FRMD4A: variants seen among roughly 807,000 people sequenced by gnomAD.
The protein encoded by FRMD4A is FERM domain-containing protein 4A.
FRMD4A carries 29 observed loss-of-function variants against 129.1 expected under a neutral mutation model. That is an observed-to-expected ratio of 0.22 (90% CI 0.17 to 0.31). FRMD4A has a LOEUF of 0.31. FRMD4A is among the 10% of genes least tolerant of loss of function. The pLI is 1.00. For synonymous variants in FRMD4A, 634 were observed against 571.6 expected (o/e 1.11, Z -1.56); for missense variants, 1,272 against 1,375.8 (o/e 0.92, Z 1.19).
At chr10:13,710,226 CCT>C (rs1353575636) in intron 12 of FRMD4A, among the ~76,000 whole-genome samples, 2 of 152,150 alleles carry the variant, frequency 1.3e-5, no homozygotes, top group Non-Finnish European at 2.9e-5. Flanking sequence ...TGAGAAAACC[CCT>C]GTGCCTTTCA....
At chr10:13,860,579 T>C (rs1420249678) in intron 2 of FRMD4A, among the ~76,000 whole-genome samples, 1 of 152,170 alleles carries the variant, frequency 6.6e-6, no homozygotes, top group East Asian at 1.9e-4. Flanking sequence ...TTCCCCTGTA[T>C]TTAGTGGCTA....
chr10:13,984,369 CT>C (rs1249737757), intron 2 of FRMD4A, among the ~76,000 whole-genome samples: 1 of 152,134 alleles, frequency 6.6e-6, no homozygotes, highest in African/African-American at 2.4e-5. Flanking sequence ...AGATACTGAC[CT>C]ATTTTTATTG....
At chr10:13,938,282 C>T (rs2095264303) in intron 2 of FRMD4A, among the ~76,000 whole-genome samples, 1 of 152,040 alleles carries the variant, frequency 6.6e-6, no homozygotes, top group South Asian at 2.1e-4. Flanking sequence ...TGTTCTGTTG[C>T]CCAGGCTGGA....
chr10:14,101,980 CT>C (rs1480222289), intron 2 of FRMD4A, among the ~76,000 whole-genome samples: 9 of 152,182 alleles, frequency 5.9e-5, no homozygotes, highest in African/African-American at 1.9e-4. Flanking sequence ...AATTAAGCTG[CT>C]TTTACTGGAT....
intron 6 of FRMD4A, among the ~76,000 whole-genome samples, chr10:13,773,719 G>C (rs2092522892): frequency 6.6e-6 from 1 of 152,194 alleles, no homozygotes; most frequent in South Asian, 2.1e-4. Context: ...ATCTTCTTCT[G>C]TCAGTGCAGA....
At chr10:14,129,400 AT>A in intron 2 of FRMD4A, among the ~76,000 whole-genome samples, 2 of 132,510 alleles carry the variant, frequency 1.5e-5, no homozygotes, top group Non-Finnish European at 3.1e-5. Context: ...ATATATATAT[AT>A]ATATATAAAA....
At chr10:13,702,283 C>T (rs1183752070) in intron 13 of FRMD4A, among the ~76,000 whole-genome samples, 6 of 152,148 alleles carry the variant, frequency 3.9e-5, no homozygotes, top group Non-Finnish European at 8.8e-5. Context: ...AGGCTGGTCT[C>T]TAACTCCCGG....
chr10:13,736,039 C>T (rs775034735), intron 12 of FRMD4A, among the ~76,000 whole-genome samples: 6 of 152,106 alleles, frequency 3.9e-5, no homozygotes, highest in Non-Finnish European at 7.4e-5. Context: ...TGTAATCCAG[C>T]TACTGGAAAG....
At chr10:14,171,657 T>G (rs1589122928) in intron 2 of FRMD4A, among the ~76,000 whole-genome samples, 1 of 152,202 alleles carries the variant, frequency 6.6e-6, no homozygotes, top group Non-Finnish European at 1.5e-5. Context: ...AAGATAAAAA[T>G]GCATTAAGCA....
At chr10:13,658,500 G>A in intron 21 of FRMD4A, among the ~76,000 whole-genome samples, 1 of 152,216 alleles carries the variant, frequency 6.6e-6, no homozygotes, top group East Asian at 1.9e-4. Flanking sequence ...ACAGGAAGAG[G>A]CGAGTCCCAC....
chr10:14,200,803 C>G (rs1842614263), intron 2 of FRMD4A, among the ~76,000 whole-genome samples: 1 of 152,146 alleles, frequency 6.6e-6, no homozygotes, highest in South Asian at 2.1e-4. Context: ...GCTGAGCTTA[C>G]AGGGAAGCGT....
intron 3 of FRMD4A, among the ~76,000 whole-genome samples, chr10:13,825,221 T>G (rs2093684405): frequency 6.6e-6 from 1 of 152,224 alleles, no homozygotes; most frequent in African/African-American, 2.4e-5. Flanking sequence ...TTGAGGCCAT[T>G]ATGAAATCAA....
intron 2 of FRMD4A, among the ~76,000 whole-genome samples, chr10:14,101,636 T>C (rs1013775364): frequency 6.6e-6 from 1 of 152,210 alleles, no homozygotes; most frequent in Non-Finnish European, 1.5e-5. Context: ...CACGTTCTAC[T>C]TATGTCATAC....
At chr10:13,713,854 T>TGTA (rs2088327919) in intron 12 of FRMD4A, among the ~76,000 whole-genome samples, 1 of 8,898 alleles carries the variant, frequency 1.1e-4, no homozygotes, top group Non-Finnish European at 1.7e-4. Context: ...TATACACATA[T>TGTA]ATATAATATA....
chr10:14,318,810 A>G (rs367686953), intron 2 of FRMD4A, among the ~76,000 whole-genome samples: 5 of 152,192 alleles, frequency 3.3e-5, no homozygotes, highest in African/African-American at 1.2e-4. Flanking sequence ...AACCACATCG[A>G]CATGTCCTTC....
At chr10:13,799,771 T>C (rs1211365296) in intron 4 of FRMD4A, among the ~76,000 whole-genome samples, 2 of 152,194 alleles carry the variant, frequency 1.3e-5, no homozygotes, top group Non-Finnish European at 2.9e-5. Flanking sequence ...TTACTTTCAG[T>C]GAAGTCTTCC....
At position 13,858,822 on chromosome 10, in the gene FRMD4A, A is replaced by G. The variant is rs1489541817; in HGVS notation, c.111+25T>C. ...ACCACATCAGTCACCAAAGAAACTC[A>G]GAAAGTTGACCAAAAGCGATTTACC... On this transcript the variant is annotated intron_variant, in intron 3 of 24. Transcript: ENST00000357447. The G allele has an allele frequency of 4.2e-6, 6 of 1,424,950 alleles. No individual in the cohort carries two copies. The Admixed American group carries it at 5.0e-5, about 12-fold the overall frequency. The allele number at this position is 1,424,950 out of a possible 1,614,324, so 88.3% of individuals were successfully genotyped here.
intron 3 of FRMD4A, among the ~76,000 whole-genome samples, chr10:13,827,825 G>A (rs971743242): frequency 6.6e-6 from 1 of 152,172 alleles, no homozygotes; most frequent in Non-Finnish European, 1.5e-5. Flanking sequence ...AGTGGGAGAG[G>A]AGGAGGGAGA....
intron 11 of FRMD4A, among the ~76,000 whole-genome samples, chr10:13,738,818 A>C (rs545752746): frequency 9.9e-5 from 15 of 152,030 alleles, no homozygotes; most frequent in Non-Finnish European, 1.9e-4. Flanking sequence ...ACAGGATTTC[A>C]CCATGTTGGC....
Sources: gnomAD v4.1 joint callset for allele counts (sites outside exome capture counted in the v4.1 genomes callset) on GRCh38, gnomAD v4.1.1 for gene constraint, MANE v1.5 for transcripts, NCBI Gene and HGNC (gene_info 2026-07-23, HGNC 2026-07-21) for gene names.